CENPE: variants seen among roughly 807,000 people sequenced by gnomAD.
CENPE encodes the protein centromere-associated protein E.
A neutral mutation model predicts 336.1 loss-of-function variants in CENPE; 145 were observed. The observed-to-expected ratio is 0.43, with a 90% CI of 0.38 to 0.50. The LOEUF (loss-of-function observed/expected upper bound fraction) is 0.50. CENPE is among the 20% of genes least tolerant of loss of function. CENPE has a pLI of 0.00. For missense variants in CENPE, 2,719 were observed against 3,023.3 expected (o/e 0.90, Z 2.36); for synonymous variants, 1,013 against 984.8 (o/e 1.03, Z -0.54).
At chr4:103,142,043 C>T (rs770208082) in intron 34 of CENPE, 135 bp from the exon 35 acceptor site, 64 of 600,052 alleles carry the variant, frequency 1.1e-4, no homozygotes, top group Non-Finnish European at 1.5e-4. Context: ...AAGGTACAGG[C>T]TTTCTCTTCC....
intron 44 of CENPE, 24 bp downstream of exon 44, chr4:103,120,124 C>G: frequency 6.6e-7 from 1 of 1,523,726 alleles, no homozygotes; most frequent in Non-Finnish European, 8.9e-7. Flanking sequence ...AAACAAACAA[C>G]TTTTATTTTT....
At chr4:103,185,645 C>A (rs1207682001) in intron 9 of CENPE, among the ~76,000 whole-genome samples, 165 bp downstream of exon 9, 1 of 151,940 alleles carries the variant, frequency 6.6e-6, no homozygotes, top group Non-Finnish European at 1.5e-5. Flanking sequence ...GATACAGATG[C>A]TGATTTCTAT....
At chr4:103,176,622 G>A (rs988948362) in intron 14 of CENPE, among the ~76,000 whole-genome samples, 3 of 152,054 alleles carry the variant, frequency 2.0e-5, no homozygotes, top group Non-Finnish European at 2.9e-5. Flanking sequence ...GGAGTGCAAC[G>A]GGTCTTGGCT....
intron 28 of CENPE, 61 bp from the exon 29 acceptor site, chr4:103,147,707 T>C: frequency 6.7e-7 from 1 of 1,487,386 alleles, no homozygotes; most frequent in East Asian, 2.3e-5. Flanking sequence ...AATTTTTTTT[T>C]TTTTGAGACG....
At chr4:103,134,500 G>A (rs1751890821) in intron 40 of CENPE, among the ~76,000 whole-genome samples, 1 of 151,970 alleles carries the variant, frequency 6.6e-6, no homozygotes, top group Non-Finnish European at 1.5e-5. Context: ...TGGGCGTGGT[G>A]GCAGGCGCCT....
At chr4:103,187,903 T>A (rs1280928288) in intron 8 of CENPE, among the ~76,000 whole-genome samples, 1 of 152,054 alleles carries the variant, frequency 6.6e-6, no homozygotes, top group Non-Finnish European at 1.5e-5. Context: ...GAAACCCATC[T>A]CATGTGCAGA....
At chr4:103,177,243 T>C (rs1381793279) in intron 13 of CENPE, among the ~76,000 whole-genome samples, 197 bp from the exon 14 acceptor site, 2 of 151,986 alleles carry the variant, frequency 1.3e-5, no homozygotes, top group Non-Finnish European at 2.9e-5. Flanking sequence ...CTAACTACCA[T>C]TTTCTTTTTT....
chr4:103,113,710 C>CTTA (rs1365287284), intron 46 of CENPE, among the ~76,000 whole-genome samples: 2 of 145,438 alleles, frequency 1.4e-5, no homozygotes, highest in African/African-American at 2.5e-5. Context: ...TGTATATATA[C>CTTA]TTATAAGTGT....
At chr4:103,173,630 T>TTTGCAATATTTGCAGAAATATTTGCA (rs1212496499) in intron 16 of CENPE, among the ~76,000 whole-genome samples, 102 of 151,486 alleles carry the variant, frequency 6.7e-4, no homozygotes, top group Non-Finnish European at 9.3e-4. Context: ...TTGCAAAATA[T>TTTGCAATATTTGCAGAAATATTTGCA]ACATCTGACA....
Position 103,106,260 on chromosome 4 carries a change from A to T in CENPE, c.8068T>A (p.Ser2690Thr). 6.2e-7 allele frequency: 1 copy of T among 1,602,158 alleles called. No homozygotes were observed. Among genetic ancestry groups the T allele is most frequent in the Non-Finnish European group, 8.5e-7 (1 of 1,173,426 alleles). Residue 2690 changes from serine (S) to threonine (T), a missense_variant, in exon 49 of 49, where the codon TCC becomes ACC. Coordinates refer to ENST00000265148, the MANE Select transcript of CENPE (RefSeq NM_001813.3). ...VDSQPGPWHA[S>T]SGKDVPECKT... ...CACTCAGGCACATCCTTGCCTGAGG[A>T]GGCGTGCCAAGGACCTGGCTGAGAA...
intron 16 of CENPE, among the ~76,000 whole-genome samples, chr4:103,165,491 C>T (rs1054865537): frequency 6.6e-5 from 10 of 152,132 alleles, no homozygotes; most frequent in Non-Finnish European, 1.3e-4. Flanking sequence ...AGGGAAATGG[C>T]TCCATGTCCT....
rs760143314 is a variant in CENPE at position 103,106,196 on chromosome 4, T to A, written c.*26A>T. On this transcript the variant is annotated 3_prime_UTR_variant, in exon 49 of 49. Coordinates refer to ENST00000265148, the MANE Select transcript of CENPE (RefSeq NM_001813.3). ...TCATTTCCAAATAAGGAATGCTGGA[T>A]CTCCAGAGAAGTGACAAAGAGGAGT... 6.9e-7 allele frequency: 1 copy of A among 1,439,348 alleles called. No homozygotes were observed. The highest frequency in any genetic ancestry group is 2.0e-5 in the Admixed American group (1 of 48,782). The allele number at this position is 1,439,348 out of a possible 1,614,324, so 89.2% of individuals were successfully genotyped here. A position where few individuals can be genotyped will look rare whatever the true frequency, so the allele number is the denominator to read the frequency against.
intron 18 of CENPE, among the ~76,000 whole-genome samples, chr4:103,162,231 G>T (rs573762158): frequency 6.6e-6 from 1 of 151,842 alleles, no homozygotes; most frequent in Non-Finnish European, 1.5e-5. Context: ...CAAAAGAATA[G>T]AAGGTAACAA....
rs780614210 is a variant in CENPE at position 103,153,031 on chromosome 4, C to T, written c.3237+16G>A. 6.4e-7 allele frequency: 1 copy of T among 1,566,702 alleles called. No homozygotes were observed. The highest frequency in any genetic ancestry group is 1.2e-5 in the South Asian group (1 of 85,490). ...AGACAAAAAGGTAATGCCAAGTATA[C>T]AGTGCTAAATCCTACCATTTCAATA... On this transcript the variant is annotated intron_variant, in intron 25 of 48. Transcript: ENST00000265148.
chr4:103,122,089 C>T (rs747061694), intron 43 of CENPE, among the ~76,000 whole-genome samples: 95 of 152,222 alleles, frequency 6.2e-4, no homozygotes, highest in Non-Finnish European at 1.1e-3. Context: ...CTTTAAATTA[C>T]TATATTGGTA....
intron 44 of CENPE, among the ~76,000 whole-genome samples, chr4:103,117,693 T>G (rs987210216): frequency 6.7e-6 from 1 of 149,226 alleles, no homozygotes; most frequent in African/African-American, 2.5e-5. Flanking sequence ...AGTGGTGCGA[T>G]CTCGGCTCAC....
chr4:103,183,727 G>A (rs989017911), intron 9 of CENPE, among the ~76,000 whole-genome samples: 19 of 151,878 alleles, frequency 1.3e-4, no homozygotes, highest in African/African-American at 4.6e-4. Context: ...CTTTGAAAAA[G>A]CTCCCTTCCA....
At chr4:103,168,374 C>T (rs1167594682) in intron 16 of CENPE, among the ~76,000 whole-genome samples, 1 of 152,170 alleles carries the variant, frequency 6.6e-6, no homozygotes, top group Non-Finnish European at 1.5e-5. Flanking sequence ...TCTACTGCAG[C>T]CTGGCAGTTA....
At chr4:103,185,686 T>A in intron 9 of CENPE, 124 bp downstream of exon 9, 1 of 526,702 alleles carries the variant, frequency 1.9e-6, no homozygotes. Context: ...TCACAATTAA[T>A]GATTCATTAT....
Sources: gnomAD v4.1 joint callset for allele counts (sites outside exome capture counted in the v4.1 genomes callset) on GRCh38, gnomAD v4.1.1 for gene constraint, MANE v1.5 for transcripts, NCBI Gene and HGNC (gene_info 2026-07-23, HGNC 2026-07-21) for gene names.